Variants in LCORL observed in about 807,000 individuals in gnomAD.
LCORL encodes ligand dependent nuclear receptor corepressor like.
In LCORL, 41 loss-of-function variants were observed where a neutral mutation model predicts 141.8. The observed-to-expected ratio is 0.29, with a 90% CI of 0.23 to 0.38. The LOEUF is 0.38. Ranked by LOEUF, LCORL falls within the 10% of genes least tolerant of loss-of-function variation. LCORL has a pLI of 1.00. For missense variants in LCORL, 1,759 were observed against 2,035.0 expected, an observed-to-expected ratio of 0.86 and a Z score of 2.61; for synonymous variants, 618 against 694.1, an observed-to-expected ratio of 0.89 and a Z score of 1.72.
At chr4:17,873,254 A>G in intron 7 of LCORL, 134 bp downstream of exon 7, 1 of 493,588 alleles carries the variant, frequency 2.0e-6, no homozygotes, top group Non-Finnish European at 3.2e-6. Flanking sequence ...GTTTCATACT[A>G]GGTGCCAAGA....
At chr4:17,895,282 G>A (rs1456034964) in intron 5 of LCORL, among the ~76,000 whole-genome samples, 4 of 152,050 alleles carry the variant, frequency 2.6e-5, no homozygotes, top group African/African-American at 9.6e-5. Context: ...CTTTGTACCT[G>A]TTGATCAACC....
intron 5 of LCORL, among the ~76,000 whole-genome samples, chr4:17,902,611 G>T (rs560940654): frequency 6.6e-6 from 1 of 151,924 alleles, no homozygotes; most frequent in Non-Finnish European, 1.5e-5. Context: ...AAAACTATAC[G>T]TGACTCTCTT....
At chr4:17,968,761 TA>T (rs1293287826) in intron 2 of LCORL, among the ~76,000 whole-genome samples, 1 of 152,212 alleles carries the variant, frequency 6.6e-6, no homozygotes, top group Non-Finnish European at 1.5e-5. Context: ...ACTGAAAAAT[TA>T]AATTTGAATT....
At chr4:17,924,991 C>G (rs1218123541) in intron 4 of LCORL, among the ~76,000 whole-genome samples, 1 of 152,208 alleles carries the variant, frequency 6.6e-6, no homozygotes, top group Non-Finnish European at 1.5e-5. Flanking sequence ...TGGCACCACT[C>G]ACCATCACCC....
chr4:17,952,000 A>G (rs1368741080), intron 4 of LCORL, among the ~76,000 whole-genome samples: 3 of 152,218 alleles, frequency 2.0e-5, no homozygotes, highest in Non-Finnish European at 2.9e-5. Context: ...ACTGGGAAAA[A>G]TATCATTAAA....
intron 1 of LCORL, chr4:18,020,573 GAAA>G: frequency 7.9e-6 from 1 of 125,908 alleles, no homozygotes; most frequent in South Asian, 3.0e-4. Context: ...GGCAAAAAAA[GAAA>G]AAAAAAAAAG....
At chr4:17,853,100 T>G (rs1319004114) in intron 7 of LCORL, among the ~76,000 whole-genome samples, 1 of 147,402 alleles carries the variant, frequency 6.8e-6, no homozygotes, top group Non-Finnish European at 1.5e-5. Context: ...TCCTAACAAC[T>G]ATTCACTGAA....
exon 5 of LCORL, chr4:17,909,121 G>T: frequency 6.2e-7 from 1 of 1,600,358 alleles, no homozygotes. Context: ...TCTTGCATTC[G>T]ATTCACAGTG....
chr4:17,886,020 A>C, intron 6 of LCORL, 48 bp downstream of exon 6: 1 of 1,019,160 alleles, frequency 9.8e-7, no homozygotes, highest in Non-Finnish European at 1.5e-6. Flanking sequence ...TTCTCTGCAG[A>C]GATAATTTTA....
chr4:17,896,613 G>A (rs966987518), intron 5 of LCORL, among the ~76,000 whole-genome samples: 1 of 152,114 alleles, frequency 6.6e-6, no homozygotes, highest in African/African-American at 2.4e-5. Flanking sequence ...AATTTTTGTG[G>A]TTACTGAGTA....
At chr4:17,893,559 A>AACACAGG (rs1729429792) in intron 5 of LCORL, 2 of 985,266 alleles carry the variant, frequency 2.0e-6, no homozygotes, top group African/African-American at 1.7e-5. Flanking sequence ...GGAAGGACTG[A>AACACAGG]ACACAGGAGC....
chr4:18,011,774 G>A (rs531898350), intron 1 of LCORL, among the ~76,000 whole-genome samples: 49 of 152,310 alleles, frequency 3.2e-4, no homozygotes, highest in African/African-American at 1.1e-3. Flanking sequence ...GTGAGTAGCT[G>A]CAATAGAGAC....
intron 1 of LCORL, among the ~76,000 whole-genome samples, chr4:17,993,219 A>G (rs1042405822): frequency 2.0e-5 from 3 of 152,094 alleles, no homozygotes; most frequent in African/African-American, 4.8e-5. Context: ...AAATTTATTT[A>G]TTTTAGACAG....
At chr4:17,920,881 T>C (rs911913825) in intron 4 of LCORL, among the ~76,000 whole-genome samples, 5 of 152,244 alleles carry the variant, frequency 3.3e-5, no homozygotes, top group Admixed American at 6.5e-5. Flanking sequence ...GTTCTCTTGC[T>C]GTTTCTACCA....
At chr4:17,916,789 C>A (rs753221033) in intron 4 of LCORL, among the ~76,000 whole-genome samples, 1 of 151,804 alleles carries the variant, frequency 6.6e-6, no homozygotes, top group Non-Finnish European at 1.5e-5. Flanking sequence ...GGATTACAGG[C>A]ATGTGCCACC....
chr4:17,868,096 T>A (rs1295457519), intron 7 of LCORL, among the ~76,000 whole-genome samples: 3 of 152,190 alleles, frequency 2.0e-5, no homozygotes, highest in African/African-American at 7.2e-5. Flanking sequence ...TCCTTTTATC[T>A]TGTGTTCAGT....
At chr4:17,875,029 T>C (rs1253952295) in exon 7 of LCORL, 3 of 1,233,636 alleles carry the variant, frequency 2.4e-6, no homozygotes, top group Middle Eastern at 4.1e-4. Context: ...GTAGCAATCA[T>C]ACGTTTTGAT....
intron 4 of LCORL, among the ~76,000 whole-genome samples, chr4:17,915,232 G>A (rs1733210420): frequency 1.3e-5 from 2 of 152,006 alleles, no homozygotes; most frequent in African/African-American, 4.8e-5. Flanking sequence ...AAGAAAGATG[G>A]AAGCCTCCTG....
intron 2 of LCORL, among the ~76,000 whole-genome samples, chr4:17,972,058 T>C (rs910714951): frequency 4.6e-5 from 7 of 151,680 alleles, no homozygotes; most frequent in African/African-American, 7.2e-5. Context: ...CTTTGAACAA[T>C]AGCAAAAAAG....
Sources: allele counts gnomAD v4.1 joint callset (sites outside exome capture counted in the v4.1 genomes callset), GRCh38; gene constraint gnomAD v4.1.1; transcripts MANE v1.5; gene names NCBI Gene and HGNC (gene_info 2026-07-23, HGNC 2026-07-21).